The following KSR2 variants were observed in gnomAD, a reference collection of about 807,000 sequenced individuals.
KSR2 encodes kinase suppressor of ras 2.
A neutral mutation model predicts 107.8 loss-of-function variants in KSR2; 25 were observed. That is an observed-to-expected ratio of 0.23 (90% CI 0.17 to 0.32). KSR2 has a LOEUF of 0.32. Among genes scored for constraint, KSR2 ranks in the 10% least tolerant of loss-of-function variants. The pLI is 1.00. For missense variants in KSR2, 887 were observed against 1,268.9 expected (o/e 0.70, Z 4.57); for synonymous variants, 480 against 507.0 (o/e 0.95, Z 0.71).
At chr12:117,612,470 T>C (rs1395119412) in intron 5 of KSR2, among the ~76,000 whole-genome samples, 1 of 152,064 alleles carries the variant, frequency 6.6e-6, no homozygotes, top group Non-Finnish European at 1.5e-5. Flanking sequence ...TTAAATCACG[T>C]TTGTGTTTGC....
chr12:117,854,894 C>A (rs76802395), intron 3 of KSR2, among the ~76,000 whole-genome samples: 18,227 of 151,550 alleles, frequency 0.12, 1,449 homozygotes, highest in African/African-American at 0.22. Context: ...AAAATTTAAG[C>A]AATATGTGTG....
intron 3 of KSR2, among the ~76,000 whole-genome samples, chr12:117,845,311 T>C (rs1439024053): frequency 6.6e-6 from 1 of 152,162 alleles, no homozygotes; most frequent in East Asian, 1.9e-4. Context: ...CCACAACCAC[T>C]GGCCATGTAA....
At chr12:117,804,390 G>A (rs6490155) in intron 3 of KSR2, among the ~76,000 whole-genome samples, 12 of 152,052 alleles carry the variant, frequency 7.9e-5, no homozygotes, top group Admixed American at 1.3e-4. Flanking sequence ...GAATTGAGTC[G>A]TTTCAACAAA....
At chr12:117,967,130 G>A (rs1316997196) in intron 1 of KSR2, among the ~76,000 whole-genome samples, 1 of 152,130 alleles carries the variant, frequency 6.6e-6, no homozygotes, top group East Asian at 1.9e-4. Flanking sequence ...CATTTCCTAA[G>A]CCTCTTTAAA....
At chr12:117,642,243 G>C (rs150713472) in intron 5 of KSR2, among the ~76,000 whole-genome samples, 2 of 152,236 alleles carry the variant, frequency 1.3e-5, no homozygotes, top group African/African-American at 4.8e-5. Context: ...CAGCAGCCTG[G>C]GTGTTCTATG....
intron 1 of KSR2, among the ~76,000 whole-genome samples, chr12:117,940,471 G>A (rs1321271271): frequency 2.0e-5 from 3 of 152,086 alleles, no homozygotes; most frequent in Non-Finnish European, 4.4e-5. Context: ...CATGAACTTG[G>A]GACGCCATCA....
chr12:117,493,668 CAGACTGTAAGCCTTA>C (rs1428110630), intron 14 of KSR2, among the ~76,000 whole-genome samples: 1 of 152,168 alleles, frequency 6.6e-6, no homozygotes, highest in Non-Finnish European at 1.5e-5. Flanking sequence ...TCTCCCCCTC[CAGACTGTAAGCCTTA>C]AGAGGACAGT....
intron 5 of KSR2, among the ~76,000 whole-genome samples, chr12:117,656,817 G>A (rs984615423): frequency 1.7e-4 from 26 of 151,540 alleles, no homozygotes; most frequent in Admixed American, 7.2e-4. Flanking sequence ...CTTCAGTTCT[G>A]GGACTCAGAC....
chr12:117,555,748 C>T (rs926970297), intron 8 of KSR2, among the ~76,000 whole-genome samples: 3 of 152,104 alleles, frequency 2.0e-5, no homozygotes, highest in African/African-American at 7.2e-5. Flanking sequence ...ACACTTTGTC[C>T]TAAACAACTT....
chr12:117,616,415 G>A (rs917204291), intron 5 of KSR2, among the ~76,000 whole-genome samples: 2 of 152,138 alleles, frequency 1.3e-5, no homozygotes, highest in African/African-American at 4.8e-5. Context: ...AACTTCAGAA[G>A]GCTACAGAAC....
At chr12:117,804,001 T>A (rs1265120723) in intron 3 of KSR2, among the ~76,000 whole-genome samples, 2 of 152,206 alleles carry the variant, frequency 1.3e-5, no homozygotes, top group African/African-American at 4.8e-5. Flanking sequence ...GGGCTATTTT[T>A]GTAAACTGAG....
chr12:117,827,931 T>G (rs773267347), intron 3 of KSR2, among the ~76,000 whole-genome samples: 2 of 152,226 alleles, frequency 1.3e-5, no homozygotes, highest in Non-Finnish European at 2.9e-5. Context: ...GGCATTATTC[T>G]TATGTATGAC....
chr12:117,677,467 C>T (rs1885183344), intron 4 of KSR2, among the ~76,000 whole-genome samples: 1 of 152,142 alleles, frequency 6.6e-6, no homozygotes, highest in Non-Finnish European at 1.5e-5. Context: ...TCAGGAGAAA[C>T]CAACCCTGCC....
chr12:117,696,518 G>A (rs1259307700), intron 4 of KSR2, among the ~76,000 whole-genome samples: 1 of 151,792 alleles, frequency 6.6e-6, no homozygotes, highest in Admixed American at 6.6e-5. Flanking sequence ...CACTGGTCGG[G>A]GGGAGTATCA....
chr12:117,630,823 G>C (rs1882767998), intron 5 of KSR2, among the ~76,000 whole-genome samples: 1 of 152,108 alleles, frequency 6.6e-6, no homozygotes, highest in Admixed American at 6.5e-5. Flanking sequence ...GGTATTGATG[G>C]GTAGAGAAAC....
Position 117,931,518 on chromosome 12 carries a change from G to A in KSR2, c.180+36558C>T, listed in dbSNP as rs756961607. Among the ~76,000 whole-genome samples the A allele has an allele frequency of 2.2e-4, 34 of 152,284 alleles. No individual in the cohort carries two copies. The Middle Eastern group carries it at 0.017, about 76-fold the overall frequency. On this transcript the variant is annotated intron_variant, in intron 1 of 19. Coordinates refer to ENST00000339824, the MANE Select transcript of KSR2 (RefSeq NM_173598.6). ...CTTGAGTCAAGACTGCCACAGTCAT[G>A]TCCACCAATTCTAGGAACAACCCAG...
At chr12:117,613,800 G>A (rs1053022591) in intron 5 of KSR2, among the ~76,000 whole-genome samples, 17 of 152,168 alleles carry the variant, frequency 1.1e-4, no homozygotes, top group Admixed American at 9.8e-4. Context: ...TCTCTTTGTG[G>A]CTCACAGTGA....
chr12:117,820,883 C>T (rs1228345688), intron 3 of KSR2, among the ~76,000 whole-genome samples: 2 of 152,182 alleles, frequency 1.3e-5, no homozygotes, highest in Non-Finnish European at 2.9e-5. Context: ...TTCAAGTTCT[C>T]AGGCAAGACC....
At chr12:117,740,899 G>A (rs2053718) in intron 4 of KSR2, among the ~76,000 whole-genome samples, 1 of 152,088 alleles carries the variant, frequency 6.6e-6, no homozygotes, top group African/African-American at 2.4e-5. Context: ...TGATGGATAG[G>A]CCACCGTGTC....
Sources: allele counts gnomAD v4.1 joint callset (sites outside exome capture counted in the v4.1 genomes callset), GRCh38; gene constraint gnomAD v4.1.1; transcripts MANE v1.5; gene names NCBI Gene and HGNC (gene_info 2026-07-23, HGNC 2026-07-21).